EYA4: variants seen among roughly 807,000 people sequenced by gnomAD.
EYA4 encodes protein phosphatase EYA4.
A neutral mutation model predicts 87.9 loss-of-function variants in EYA4; 31 were observed. That is an observed-to-expected ratio of 0.35 (90% CI 0.27 to 0.48). EYA4 has a LOEUF of 0.48. Ranked by LOEUF, EYA4 falls within the 20% of genes least tolerant of loss-of-function variation. The pLI is 0.99. For synonymous variants in EYA4, 263 were observed against 270.6 expected, an observed-to-expected ratio of 0.97 and a Z score of 0.28; for missense variants, 678 against 761.4, an observed-to-expected ratio of 0.89 and a Z score of 1.29.
intron 11 of EYA4, among the ~76,000 whole-genome samples, chr6:133,481,042 G>A (rs1796173321): frequency 6.6e-6 from 1 of 152,010 alleles, no homozygotes; most frequent in South Asian, 2.1e-4. Flanking sequence ...GGGAAGATGA[G>A]AGAGGGTTTG....
At chr6:133,248,504 T>C (rs1158124866) in intron 1 of EYA4, 1 of 152,232 alleles carries the variant, frequency 6.6e-6, no homozygotes, top group Non-Finnish European at 1.5e-5. Context: ...GATCTATTCA[T>C]TACATTTCAC....
At chr6:133,352,948 C>A (rs1337123085) in intron 2 of EYA4, among the ~76,000 whole-genome samples, 1 of 152,106 alleles carries the variant, frequency 6.6e-6, no homozygotes, top group Non-Finnish European at 1.5e-5. Context: ...ATCATCTTGT[C>A]CCAACACTAA....
At chr6:133,387,486 A>G (rs1786852860) in intron 3 of EYA4, among the ~76,000 whole-genome samples, 1 of 152,176 alleles carries the variant, frequency 6.6e-6, no homozygotes, top group Non-Finnish European at 1.5e-5. Context: ...AGTTCTAAAT[A>G]CCTTAAATTC....
intron 3 of EYA4, among the ~76,000 whole-genome samples, chr6:133,415,013 C>T (rs768734434): frequency 1.6e-4 from 24 of 152,090 alleles, no homozygotes; most frequent in Non-Finnish European, 3.1e-4. Flanking sequence ...TTATTTCATC[C>T]AATTTGGTAA....
At chr6:133,510,180 A>T (rs1413974719) in intron 14 of EYA4, among the ~76,000 whole-genome samples, 1 of 152,204 alleles carries the variant, frequency 6.6e-6, no homozygotes, top group Non-Finnish European at 1.5e-5. Flanking sequence ...ATGTCAGAGG[A>T]ATTTCTCTAA....
chr6:133,479,290 A>G (rs1474148298), intron 11 of EYA4, among the ~76,000 whole-genome samples: 1 of 152,194 alleles, frequency 6.6e-6, no homozygotes, highest in Non-Finnish European at 1.5e-5. Flanking sequence ...ACAAGGCTAT[A>G]TTCAACCCCA....
intron 2 of EYA4, among the ~76,000 whole-genome samples, chr6:133,380,242 T>C (rs1786068161): frequency 6.6e-6 from 1 of 152,196 alleles, no homozygotes; most frequent in Non-Finnish European, 1.5e-5. Context: ...TTTTAATATC[T>C]AAAGGAATTT....
rs566493775 is a variant in EYA4 at position 133,411,466 on chromosome 6, T to TA, written c.83+29028dup. ...GAAAATCAGAAAATACTCAATTTATTAAACTAAAAACACAGTCACTCTACC... is the reference window on the plus strand; with the variant it reads ...GAAAATCAGAAAATACTCAATTTATTAAAACTAAAAACACAGTCACTCTACC... On this transcript the variant is annotated intron_variant, in intron 3 of 19. Coordinates refer to ENST00000355286, the MANE Select transcript of EYA4 (RefSeq NM_004100.5). Among the ~76,000 whole-genome samples the TA allele has an allele frequency of 8.5e-4, 130 of 152,316 alleles. 1 individual carries two copies. The highest frequency in any genetic ancestry group is 3.1e-3 in the African/African-American group (127 of 41,572).
chr6:133,495,913 A>C (rs1365573645), intron 13 of EYA4, among the ~76,000 whole-genome samples: 1 of 152,182 alleles, frequency 6.6e-6, no homozygotes, highest in African/African-American at 2.4e-5. Flanking sequence ...TTTTTCCTTG[A>C]GCAAACTAAT....
In EYA4 at chr6:133,294,062, T is replaced by TATATATATATATATATATATAAAAAA. The variant is rs71003632; in HGVS notation, c.33+19250_33+19251insTATATATATATATATATATAAAAAAA. On this transcript the variant is annotated intron_variant, in intron 2 of 19. Transcript: ENST00000355286. ...ATATATATATATATATATATATATA[T>TATATATATATATATATATATAAAAAA]AATTCTATTCTATATATAACATTCT... Among the ~76,000 whole-genome samples the TATATATATATATATATATATAAAAAA allele has an allele frequency of 1.9e-5, 2 of 105,160 alleles. 1 individual carries two copies. Among genetic ancestry groups the TATATATATATATATATATATAAAAAA allele is most frequent in the South Asian group, 6.6e-4 (2 of 3,046 alleles). The allele number at this position is 105,160 out of a possible 152,430, so 69.0% of individuals were successfully genotyped here.
intron 3 of EYA4, among the ~76,000 whole-genome samples, chr6:133,403,870 G>T (rs1788470073): frequency 6.6e-6 from 1 of 151,938 alleles, no homozygotes; most frequent in Non-Finnish European, 1.5e-5. Context: ...GAGTGCAATG[G>T]CATGATTTTG....
At chr6:133,320,042 A>T (rs74983813) in intron 2 of EYA4, among the ~76,000 whole-genome samples, 483 of 151,930 alleles carry the variant, frequency 3.2e-3, no homozygotes, top group African/African-American at 0.011. Flanking sequence ...TAGCTCTGAT[A>T]ATTTCTGTAT....
chr6:133,512,700 C>A (rs776516411), intron 14 of EYA4, 21 bp from the exon 15 acceptor site: 3 of 1,589,886 alleles, frequency 1.9e-6, no homozygotes, highest in Non-Finnish European at 2.6e-6. Context: ...AAACAAATAA[C>A]TTTTCCAATG....
At chr6:133,473,679 G>A (rs1265606885) in intron 11 of EYA4, among the ~76,000 whole-genome samples, 1 of 151,676 alleles carries the variant, frequency 6.6e-6, no homozygotes, top group Non-Finnish European at 1.5e-5. Context: ...TCCTACCTGT[G>A]GGCACACAGC....
chr6:133,371,064 G>A (rs1785229827), intron 2 of EYA4, among the ~76,000 whole-genome samples: 1 of 152,122 alleles, frequency 6.6e-6, no homozygotes, highest in African/African-American at 2.4e-5. Flanking sequence ...GTAAATTGCT[G>A]TTTTGCTGCA....
chr6:133,461,087 G>C, intron 6 of EYA4, 27 bp from the exon 7 acceptor site: 1 of 1,532,208 alleles, frequency 6.5e-7, no homozygotes, highest in Non-Finnish European at 9.0e-7. Flanking sequence ...GCAACCTTTG[G>C]TGCACTGGTA....
At position 133,402,241 on chromosome 6, in the gene EYA4, G is replaced by A. The variant is rs1788332495; in HGVS notation, c.83+19800G>A. ...AAAATTAACACGTACAGCTACCAAA[G>A]ATTGCATCATGACACAGAAGGATTT... On this transcript the variant is annotated intron_variant, in intron 3 of 19. Coordinates refer to ENST00000355286, the MANE Select transcript of EYA4 (RefSeq NM_004100.5). Among the ~76,000 whole-genome samples the A allele has an allele frequency of 2.0e-5, 3 of 151,942 alleles. No individual in the cohort carries two copies. The South Asian group carries it at 6.2e-4, about 32-fold the overall frequency.
intron 2 of EYA4, among the ~76,000 whole-genome samples, chr6:133,325,630 T>C (rs1055099034): frequency 1.3e-5 from 2 of 152,244 alleles, no homozygotes; most frequent in African/African-American, 4.8e-5. Context: ...CTTATGGTTC[T>C]AAATTTTCAC....
At position 133,469,984 on chromosome 6, in the gene EYA4, A is replaced by G. The variant is rs911945392; in HGVS notation, c.970+1253A>G. Among the ~76,000 whole-genome samples, 94 of 151,426 alleles carry G rather than the reference A, an allele frequency of 6.2e-4. 1 individual carries two copies. The highest frequency in any genetic ancestry group is 1.1e-3 in the Non-Finnish European group (74 of 67,806). The stretch of plus-strand genomic sequence containing the variant: ...TGTTTGAGTTCATTGTAGATTCTGG[A>G]TATTAGCCCTTTGTCAGATGAGTAG... On this transcript the variant is annotated intron_variant, in intron 11 of 19. Transcript: ENST00000355286.
Sources: gnomAD v4.1 joint callset for allele counts (sites outside exome capture counted in the v4.1 genomes callset) on GRCh38, gnomAD v4.1.1 for gene constraint, MANE v1.5 for transcripts, NCBI Gene and HGNC (gene_info 2026-07-23, HGNC 2026-07-21) for gene names.